SPRED2: variants seen among roughly 807,000 people sequenced by gnomAD.
The protein encoded by SPRED2 is sprouty related EVH1 domain containing 2, also known as sprouty-related, EVH1 domain-containing protein 2.
A neutral mutation model predicts 43.0 loss-of-function variants in SPRED2; 47 were observed. The observed-to-expected ratio is 1.09, with a 90% CI of 0.87 to 1.40. The LOEUF (loss-of-function observed/expected upper bound fraction) is 1.40, where lower values mean the gene tolerates loss of function less well. Ranked by LOEUF, SPRED2 falls within the 40% of genes most tolerant of loss-of-function variation. The pLI is 0.00. For synonymous variants in SPRED2, 225 were observed against 225.7 expected, an observed-to-expected ratio of 1.00 and a Z score of 0.03; for missense variants, 561 against 586.4, an observed-to-expected ratio of 0.96 and a Z score of 0.45.
intron 4 of SPRED2, among the ~76,000 whole-genome samples, chr2:65,320,529 C>G (rs959433304): frequency 6.6e-6 from 1 of 152,202 alleles, no homozygotes; most frequent in African/African-American, 2.4e-5. Flanking sequence ...AAGGCCTTAT[C>G]TGATGACGAA....
chr2:65,374,393 C>A (rs368987049), intron 1 of SPRED2, among the ~76,000 whole-genome samples: 12 of 152,332 alleles, frequency 7.9e-5, no homozygotes, highest in African/African-American at 2.9e-4. Context: ...GGAGCCAGAA[C>A]TGGGCCTGAT....
At chr2:65,424,311 A>G (rs905133778) in intron 1 of SPRED2, among the ~76,000 whole-genome samples, 1 of 152,186 alleles carries the variant, frequency 6.6e-6, no homozygotes, top group Non-Finnish European at 1.5e-5. Flanking sequence ...TAGGTATCCA[A>G]AAAAGATAAT....
In SPRED2 at chr2:65,316,798, C is replaced by T. The variant is rs201381865; in HGVS notation, c.524G>A (p.Arg175Gln). The T allele has an allele frequency of 2.1e-4, 334 of 1,613,232 alleles. No individual in the cohort carries two copies. Among genetic ancestry groups the T allele is most frequent in the Non-Finnish European group, 2.7e-4 (320 of 1,179,776 alleles). ...TISSPTSCEHRRIYTLGHLHD... is the reference protein window; with the variant it reads ...TISSPTSCEHQRIYTLGHLHD... Reference sequence around the variant, plus strand: ...GAGGTGGCCCAGGGTATAAATCCTCCGGTGCTCACAGGATGTGGGAGAGGA... The same window carrying T: ...GAGGTGGCCCAGGGTATAAATCCTCTGGTGCTCACAGGATGTGGGAGAGGA... Residue 175 changes from arginine to glutamine, a missense_variant, in exon 5 of 6, where the codon CGG becomes CAG. Around this residue, in one of 6 missense-constraint regions of SPRED2, gnomAD observed 305 missense variants for 282.4 expected, o/e 1.08. Coordinates refer to ENST00000356388, the MANE Select transcript of SPRED2 (RefSeq NM_181784.3).
chr2:65,431,224 C>T (rs1232671753), intron 1 of SPRED2, among the ~76,000 whole-genome samples: 2 of 151,632 alleles, frequency 1.3e-5, no homozygotes, highest in African/African-American at 4.8e-5. Context: ...CATACACACA[C>T]ACACACGCGC....
chr2:65,362,399 A>G (rs986377017), intron 1 of SPRED2, among the ~76,000 whole-genome samples: 25 of 151,924 alleles, frequency 1.6e-4, no homozygotes, highest in Admixed American at 8.5e-4. Context: ...CCTCCCCAGT[A>G]GCTGCAACTA....
In SPRED2 at chr2:65,311,874, G is replaced by GA; in HGVS notation, c.*1626dup. On this transcript the variant is annotated 3_prime_UTR_variant, in exon 6 of 6. Transcript: ENST00000356388. ...CTTTCCCAATATGATTGGCAGACTG[G>GA]AAAAAAGTCCCTTTCCTTGAAGACT... is the stretch of plus-strand genomic sequence containing the variant. 1.0e-6 allele frequency: 1 copy of GA among 985,408 alleles called. No homozygotes were observed. The highest frequency in any genetic ancestry group is 1.2e-6 in the Non-Finnish European group (1 of 829,924). The allele number at this position is 985,408 out of a possible 1,614,324, so 61.0% of individuals were successfully genotyped here. A position where few individuals can be genotyped will look rare whatever the true frequency, so the allele number is the denominator to read the frequency against.
chr2:65,392,754 T>G (rs1675667569), intron 1 of SPRED2, among the ~76,000 whole-genome samples: 1 of 152,164 alleles, frequency 6.6e-6, no homozygotes, highest in Non-Finnish European at 1.5e-5. Context: ...ATGAATCAGT[T>G]CATTAAAAAG....
chr2:65,401,926 A>AGTGCGCGC (rs1553426553), intron 1 of SPRED2, among the ~76,000 whole-genome samples: 1 of 121,926 alleles, frequency 8.2e-6, no homozygotes, highest in Admixed American at 8.1e-5. Flanking sequence ...TCAGAATATT[A>AGTGCGCGC]GCGCGCGCGC....
intron 1 of SPRED2, among the ~76,000 whole-genome samples, chr2:65,395,483 C>T (rs1017800846): frequency 1.3e-5 from 2 of 152,228 alleles, no homozygotes; most frequent in Non-Finnish European, 2.9e-5. Context: ...TGAACCCCAA[C>T]TCCCTCACAC....
intron 4 of SPRED2, among the ~76,000 whole-genome samples, chr2:65,323,884 C>G (rs1673514134): frequency 1.3e-5 from 2 of 151,844 alleles, no homozygotes; most frequent in Admixed American, 1.3e-4. Flanking sequence ...TCAAAAAAAT[C>G]CATCCCTTCC....
At chr2:65,411,403 A>T (rs1364303786) in intron 1 of SPRED2, among the ~76,000 whole-genome samples, 1 of 152,180 alleles carries the variant, frequency 6.6e-6, no homozygotes, top group Non-Finnish European at 1.5e-5. Context: ...TTTAATAGTT[A>T]CTTAAATTAC....
At chr2:65,348,617 A>T (rs1674419454) in intron 1 of SPRED2, among the ~76,000 whole-genome samples, 2 of 151,984 alleles carry the variant, frequency 1.3e-5, no homozygotes, top group South Asian at 4.1e-4. Context: ...AGCCTGGCCA[A>T]CATGGTGAAA....
At chr2:65,338,867 G>C (rs1225973564) in intron 2 of SPRED2, among the ~76,000 whole-genome samples, 4 of 150,496 alleles carry the variant, frequency 2.7e-5, no homozygotes, top group Non-Finnish European at 5.9e-5. Context: ...GCCTCCTCCC[G>C]GCCGCCATCC....
intron 1 of SPRED2, among the ~76,000 whole-genome samples, chr2:65,391,859 A>G (rs1376392019): frequency 6.6e-6 from 1 of 152,232 alleles, no homozygotes; most frequent in Admixed American, 6.5e-5. Context: ...TCTGGTAATA[A>G]TAACAGTTGA....
In SPRED2 at chr2:65,313,918, G is replaced by A. The variant is rs756660846; in HGVS notation, c.840C>T (p.Pro280=). ...TGATCACGCTGCCCCCGCGGCCTTT[G>A]GGGTCCTCGCCTAGGCCAAAGTCTG... is the stretch of plus-strand genomic sequence containing the variant. The part of the protein sequence containing the change: ...DSSDFGLGED[P]KGRGGSVIKT... The change falls in exon 6 of 6, where the codon CCC becomes CCT. Residue 280 remains proline, a synonymous_variant. Coordinates refer to ENST00000356388, the MANE Select transcript of SPRED2 (RefSeq NM_181784.3). 9 of 1,610,770 alleles carry A rather than the reference G, an allele frequency of 5.6e-6. No individual in the cohort carries two copies. In the East Asian group the frequency reaches 1.8e-4, roughly 32 times the overall value.
At chr2:65,346,600 A>G (rs1026359902) in intron 1 of SPRED2, among the ~76,000 whole-genome samples, 4 of 152,216 alleles carry the variant, frequency 2.6e-5, no homozygotes, top group Admixed American at 2.6e-4. Context: ...GGTACCTCAT[A>G]TAAGTTCCTT....
rs1389361486 is a variant in SPRED2 at position 65,337,648 on chromosome 2, T to C, written c.205-2875A>G. On this transcript the variant is annotated intron_variant, in intron 2 of 5. Transcript: ENST00000356388. Reference sequence around the variant, plus strand: ...TAAATGTAGCCACACCTATAAGTTGTTTTTAACTTGCTTTTTATTTTCCTT... The same window carrying C: ...TAAATGTAGCCACACCTATAAGTTGCTTTTAACTTGCTTTTTATTTTCCTT... 2.6e-5 allele frequency among the ~76,000 whole-genome samples: 4 copies of C among 152,222 alleles called. No homozygotes were observed. The East Asian group carries it at 7.7e-4, about 29-fold the overall frequency.
At chr2:65,352,591 T>C (rs1674542027) in intron 1 of SPRED2, among the ~76,000 whole-genome samples, 1 of 152,240 alleles carries the variant, frequency 6.6e-6, no homozygotes, top group South Asian at 2.1e-4. Flanking sequence ...GAGTAACCCC[T>C]ACCCTTAGAG....
chr2:65,344,146 A>AC (rs370340375), intron 2 of SPRED2: 42,724 of 156,968 alleles, frequency 0.27, 7,512 homozygotes, highest in East Asian at 0.7. Flanking sequence ...CAAAAAAAAA[A>AC]AAAAAAAAAA....
Sources: allele counts gnomAD v4.1 joint callset (sites outside exome capture counted in the v4.1 genomes callset), GRCh38; gene constraint gnomAD v4.1.1; regional missense constraint gnomAD v4.1.1; transcripts MANE v1.5; gene names NCBI Gene and HGNC (gene_info 2026-07-23, HGNC 2026-07-21).